Variants in CDKN2B-AS1 observed in about 807,000 individuals in gnomAD.
The protein encoded by CDKN2B-AS1 is CDKN2B antisense RNA 1 (non-protein coding).
At chr9:22,115,096 A>C (rs1253473056) in intron 4 of CDKN2B-AS1, among the ~76,000 whole-genome samples, 1 of 152,162 alleles carries the variant, frequency 6.6e-6, no homozygotes, top group East Asian at 1.9e-4. Context: ...ATAGATTCCC[A>C]GCTGTAGAGC....
At chr9:22,086,654 AT>A (rs1427569416) in intron 4 of CDKN2B-AS1, among the ~76,000 whole-genome samples, 2 of 152,204 alleles carry the variant, frequency 1.3e-5, no homozygotes, top group African/African-American at 4.8e-5. Context: ...GCCCTATCTT[AT>A]CTTTCTCCTG....
chr9:22,034,856 A>T lies in CDKN2B-AS1; in HGVS notation n.30-11895A>T, dbSNP rs141118045. Among the ~76,000 whole-genome samples the T allele has an allele frequency of 3.9e-3, 600 of 152,282 alleles. 4 individuals are homozygous for T. The highest frequency in any genetic ancestry group is 0.013 in the African/African-American group (526 of 41,558). On this transcript the variant is annotated intron_variant and non_coding_transcript_variant, in intron 1 of 4. Transcript: ENST00000650946. The stretch of plus-strand genomic sequence containing the variant: ...TTTAAAAATAAAATTAGGCAGCAAG[A>T]CTGATTTGACATAAGGGTCATAATT...
chr9:22,079,249 C>T (rs1039751641), intron 4 of CDKN2B-AS1, among the ~76,000 whole-genome samples: 13 of 152,160 alleles, frequency 8.5e-5, no homozygotes, highest in Middle Eastern at 3.4e-3. Flanking sequence ...TTTGGGAAGC[C>T]GAGGCGGGAG....
chr9:22,126,827 C>A (rs541033320), intron 4 of CDKN2B-AS1, among the ~76,000 whole-genome samples: 1 of 152,276 alleles, frequency 6.6e-6, no homozygotes, highest in South Asian at 2.1e-4. Flanking sequence ...CCGCCTCGGC[C>A]TCCCAAAGTG....
At chr9:22,014,951 A>G (rs949783694) in intron 1 of CDKN2B-AS1, among the ~76,000 whole-genome samples, 4 of 152,108 alleles carry the variant, frequency 2.6e-5, no homozygotes, top group African/African-American at 9.7e-5. Flanking sequence ...CATCATTTTT[A>G]TGACTGCATA....
At chr9:21,998,347 C>T (rs566428100) in intron 1 of CDKN2B-AS1, among the ~76,000 whole-genome samples, 1 of 152,178 alleles carries the variant, frequency 6.6e-6, no homozygotes, top group African/African-American at 2.4e-5. Context: ...CTTATTTTAT[C>T]CTCACAGTGG....
In CDKN2B-AS1 at chr9:22,008,741, A is replaced by T. The variant is rs1563916609; in HGVS notation, n.29+13580A>T. The T allele has an allele frequency of 1.9e-6, 3 of 1,610,768 alleles. No individual in the cohort carries two copies. In the Admixed American group the frequency reaches 5.0e-5, roughly 27 times the overall value. On this transcript the variant is annotated intron_variant and non_coding_transcript_variant, in intron 1 of 4. Transcript: ENST00000650946. The stretch of plus-strand genomic sequence containing the variant: ...TCTAGGTTCCAGCCCCGATCCGCCG[A>T]GGCCGCGCCCCGCGTTCGCGCGCCC...
chr9:22,115,658 G>A (rs943365689), intron 4 of CDKN2B-AS1, among the ~76,000 whole-genome samples: 1 of 152,086 alleles, frequency 6.6e-6, no homozygotes, highest in Non-Finnish European at 1.5e-5. Flanking sequence ...GGTAGCAAGG[G>A]GTGGGTGGGA....
At chr9:22,018,021 G>A (rs1284805472) in intron 1 of CDKN2B-AS1, among the ~76,000 whole-genome samples, 3 of 152,182 alleles carry the variant, frequency 2.0e-5, no homozygotes, top group African/African-American at 7.2e-5. Context: ...GGGGTAGTGA[G>A]GTATTGAGAT....
chr9:22,076,521 T>G (rs1462191650), intron 4 of CDKN2B-AS1, among the ~76,000 whole-genome samples: 1 of 152,142 alleles, frequency 6.6e-6, no homozygotes, highest in Non-Finnish European at 1.5e-5. Flanking sequence ...TATTTTAAGG[T>G]ATACAACACG....
intron 4 of CDKN2B-AS1, among the ~76,000 whole-genome samples, chr9:22,091,146 G>A (rs1825068776): frequency 6.6e-6 from 1 of 152,244 alleles, no homozygotes; most frequent in Admixed American, 6.5e-5. Flanking sequence ...TAGATATGTG[G>A]CATTATTTCT....
intron 1 of CDKN2B-AS1, among the ~76,000 whole-genome samples, chr9:22,016,565 A>T (rs1290293178): frequency 6.6e-6 from 1 of 152,198 alleles, no homozygotes; most frequent in Non-Finnish European, 1.5e-5. Context: ...AGGCTACAGT[A>T]ACCAAAACAG....
chr9:22,084,980 C>T (rs148559270), intron 4 of CDKN2B-AS1, among the ~76,000 whole-genome samples: 26 of 152,266 alleles, frequency 1.7e-4, no homozygotes, highest in African/African-American at 6.3e-4. Context: ...ACCCAGACGA[C>T]AACTCAGGCA....
chr9:22,060,772 A>G (rs1229728580), intron 4 of CDKN2B-AS1, among the ~76,000 whole-genome samples: 1 of 152,226 alleles, frequency 6.6e-6, no homozygotes, highest in Admixed American at 6.5e-5. Context: ...GAATCATGGC[A>G]GGAGGTGAAA....
At chr9:22,045,342 T>G (rs1399655358) in intron 1 of CDKN2B-AS1, among the ~76,000 whole-genome samples, 1 of 152,068 alleles carries the variant, frequency 6.6e-6, no homozygotes, top group East Asian at 1.9e-4. Flanking sequence ...ATGTAGAAAC[T>G]GAGACTTAGA....
chr9:22,099,784 A>G (rs939405185), intron 4 of CDKN2B-AS1, among the ~76,000 whole-genome samples: 2 of 152,182 alleles, frequency 1.3e-5, no homozygotes, highest in Admixed American at 6.5e-5. Context: ...TCAGTATGCC[A>G]CAAGTTGTGG....
chr9:22,063,012 G>T lies in CDKN2B-AS1; in HGVS notation n.438+6625G>T, dbSNP rs1356524978. On this transcript the variant is annotated intron_variant and non_coding_transcript_variant, in intron 4 of 4. Transcript: ENST00000650946. ...ATATATATATATAGAGAGAGAGAGA[G>T]AGAGAGAGAGACTTATAAATTTTGG... Among the ~76,000 whole-genome samples the T allele has an allele frequency of 7.6e-4, 82 of 107,262 alleles. 1 individual carries two copies. In the East Asian group the frequency reaches 7.8e-3, roughly 10 times the overall value. 70.4% of individuals were successfully genotyped at this position (107,262 alleles called of 152,430 possible).
intron 4 of CDKN2B-AS1, among the ~76,000 whole-genome samples, chr9:22,108,731 A>T (rs748981575): frequency 1.3e-5 from 2 of 152,214 alleles, no homozygotes; most frequent in Non-Finnish European, 2.9e-5. Context: ...TCCATTTCCA[A>T]TGAAACTCAC....
At chr9:22,047,901 C>T (rs1182235857) in intron 2 of CDKN2B-AS1, among the ~76,000 whole-genome samples, 2 of 151,776 alleles carry the variant, frequency 1.3e-5, no homozygotes, top group African/African-American at 4.8e-5. Flanking sequence ...GTCCTCCTGC[C>T]TCAGTCTTCT....
Sources: gnomAD v4.1 joint callset for allele counts (sites outside exome capture counted in the v4.1 genomes callset) on GRCh38, gnomAD v4.1.1 for gene constraint, MANE v1.5 for transcripts, NCBI Gene and HGNC (gene_info 2026-07-23, HGNC 2026-07-21) for gene names.